The following MIOS variants were observed in gnomAD, a reference collection of about 807,000 sequenced individuals.
The protein encoded by MIOS is meiosis regulator for oocyte development.
In MIOS, 52 loss-of-function variants were observed where a neutral mutation model predicts 96.9. The observed-to-expected ratio is 0.54, with a 90% confidence interval of 0.43 to 0.68. MIOS has a LOEUF of 0.68. Ranked by LOEUF, MIOS falls within the 30% of genes least tolerant of loss-of-function variation. The pLI is 0.00. For missense variants in MIOS, 1,005 were observed against 1,052.8 expected, an observed-to-expected ratio of 0.95 and a Z score of 0.63; for synonymous variants, 397 against 359.5, an observed-to-expected ratio of 1.10 and a Z score of -1.18.
At position 7,573,563 on chromosome 7, in the gene MIOS, T is replaced by C. The variant is rs189971963; in HGVS notation, c.1088T>C (p.Ile363Thr). ...AGGATATCTCTTGCCTGGAGCCCAATTACATCTTTAATGTGGGCTTGTGGT... is the reference window on the plus strand; with the variant it reads ...AGGATATCTCTTGCCTGGAGCCCAACTACATCTTTAATGTGGGCTTGTGGT... ...FERISLAWSP[I>T]TSLMWACGRH... The change falls in exon 4 of 13, where the codon ATT (isoleucine) becomes ACT (threonine). Residue 363 changes from isoleucine to threonine, a missense_variant. Transcript: ENST00000340080. The surrounding 1 kb of genome is among the most constrained non-coding windows in gnomAD (Gnocchi z 5.0). 2.2e-5 allele frequency: 35 copies of C among 1,614,094 alleles called. No homozygotes were observed. In the East Asian group the frequency reaches 6.7e-4, roughly 31 times the overall value.
chr7:7,577,847 A>C (rs2115377382), intron 5 of MIOS, among the ~76,000 whole-genome samples: 1 of 152,196 alleles, frequency 6.6e-6, no homozygotes, highest in African/African-American at 2.4e-5. Flanking sequence ...ATATGGGAGG[A>C]TTACTGGGTA....
chr7:7,593,845 C>T (rs1784118079), intron 9 of MIOS, among the ~76,000 whole-genome samples: 3 of 143,506 alleles, frequency 2.1e-5, no homozygotes, highest in South Asian at 2.2e-4. Context: ...TGCCACTGCG[C>T]TCCAGCCTGG....
chr7:7,586,155 CGTGTGT>C (rs10527974), intron 7 of MIOS, among the ~76,000 whole-genome samples: 1,755 of 150,036 alleles, frequency 0.012, 32 homozygotes, highest in African/African-American at 0.04. Flanking sequence ...CACACATGCA[CGTGTGT>C]GTGTGTGTGT....
chr7:7,581,418 C>G (rs1783720918), intron 5 of MIOS, among the ~76,000 whole-genome samples: 1 of 152,180 alleles, frequency 6.6e-6, no homozygotes, highest in South Asian at 2.1e-4. Context: ...ACCAGAATGA[C>G]TGTAGCTAAA....
chr7:7,574,170 T>C lies in MIOS; in HGVS notation c.1367T>C (p.Ile456Thr). 1 of 1,609,752 alleles carries C rather than the reference T, an allele frequency of 6.2e-7. No homozygotes were observed. Among genetic ancestry groups the C allele is most frequent in the Admixed American group, 1.7e-5 (1 of 59,500 alleles). The change falls in exon 5 of 13, where the codon ATT becomes ACT. Residue 456 changes from isoleucine (I) to threonine (T), a missense_variant. Ile to Thr is a moderately conservative substitution (Grantham distance 89, BLOSUM62 -1). This residue lies in a region of MIOS where 865 missense variants were observed against 887.9 expected (regional missense o/e 0.97). Transcript: ENST00000340080. The part of the protein sequence containing the change: ...GNKGSLVYAG[I>T]KSIVKSSLGM... Reference sequence around the variant, plus strand: ...AAAGGATCATTGGTTTATGCAGGAATTAAATCAATTGTAAAGTCATCGTTG... The same window carrying C: ...AAAGGATCATTGGTTTATGCAGGAACTAAATCAATTGTAAAGTCATCGTTG...
In MIOS at chr7:7,572,121, C is replaced by A. The variant is rs1385369550; in HGVS notation, c.-40-315C>A. Among the ~76,000 whole-genome samples the A allele has an allele frequency of 1.3e-5, 2 of 152,198 alleles. No individual in the cohort carries two copies. On this transcript the variant is annotated intron_variant, in intron 3 of 12. Transcript: ENST00000340080. This position sits in a 1 kb window ranked among gnomAD's most constrained non-coding sequence, Gnocchi z 4.8. ...AATACTTATTAATTTGCTTACCACA[C>A]TGAAGTTGTTATAACTCTGAAGTTA... is the stretch of plus-strand genomic sequence containing the variant.
At chr7:7,581,574 G>A (rs953568099) in intron 5 of MIOS, among the ~76,000 whole-genome samples, 1 of 152,128 alleles carries the variant, frequency 6.6e-6, no homozygotes, top group African/African-American at 2.4e-5. Flanking sequence ...TATTTCTAGA[G>A]GTTGGAGTGC....
At chr7:7,576,619 G>A (rs1169417852) in intron 5 of MIOS, among the ~76,000 whole-genome samples, 1 of 152,114 alleles carries the variant, frequency 6.6e-6, no homozygotes, top group South Asian at 2.1e-4. Flanking sequence ...GTAAGCAGTG[G>A]GCTAACTCAA....
intron 11 of MIOS, among the ~76,000 whole-genome samples, chr7:7,597,667 T>C (rs377402363): frequency 5.6e-4 from 84 of 149,690 alleles, no homozygotes; most frequent in Non-Finnish European, 5.1e-4. Flanking sequence ...TATATACATA[T>C]ACACACACAC....
rs145325423 is a variant in MIOS at position 7,580,299 on chromosome 7, A to G, written c.1394-2819A>G. ...TAAAAATCCACTTTCATAAGCTAAA[A>G]GTGATTTTGTCTTTGGGCTGACTCC... On this transcript the variant is annotated intron_variant, in intron 5 of 12. Transcript: ENST00000340080. Among the ~76,000 whole-genome samples, 487 of 152,314 alleles carry G rather than the reference A, an allele frequency of 3.2e-3. 2 individuals are homozygous for G. Among genetic ancestry groups the G allele is most frequent in the African/African-American group, 0.011 (457 of 41,564 alleles).
intron 5 of MIOS, among the ~76,000 whole-genome samples, chr7:7,577,164 A>C (rs1391694980): frequency 6.6e-6 from 1 of 152,160 alleles, no homozygotes; most frequent in Non-Finnish European, 1.5e-5. Flanking sequence ...GATTGTCGAG[A>C]GATGTAGGAG....
chr7:7,590,401 T>C (rs1784014431), intron 9 of MIOS, among the ~76,000 whole-genome samples: 1 of 152,190 alleles, frequency 6.6e-6, no homozygotes, highest in Non-Finnish European at 1.5e-5. Context: ...TAAATTAAAG[T>C]GTATGTATAT....
At chr7:7,583,007 T>A in intron 5 of MIOS, 111 bp from the exon 6 acceptor site, 2 of 1,204,558 alleles carry the variant, frequency 1.7e-6, no homozygotes, top group Non-Finnish European at 2.3e-6. Context: ...CATAAAATTA[T>A]GGCCGAGAAG....
intron 9 of MIOS, among the ~76,000 whole-genome samples, chr7:7,591,393 C>G (rs1784045058): frequency 6.6e-6 from 1 of 151,170 alleles, no homozygotes; most frequent in South Asian, 2.1e-4. Context: ...AATCCTCCCA[C>G]CTCAGCCTCC....
In MIOS at chr7:7,569,541, G is replaced by A. The variant is rs549649572; in HGVS notation, c.-41+1418G>A. On this transcript the variant is annotated intron_variant, in intron 3 of 12. Transcript: ENST00000340080. ...TAGCAGTTGTGAGAAGTGTCAGAGG[G>A]ATCATTCAGCACATGCATTTATTTA... 9.2e-5 allele frequency among the ~76,000 whole-genome samples: 14 copies of A among 152,294 alleles called. 1 individual carries two copies. The South Asian group carries it at 2.9e-3, about 32-fold the overall frequency.
rs370055342 is a variant in MIOS, at chr7:7,587,505, C to T, written c.1819-993C>T. Among the ~76,000 whole-genome samples the T allele has an allele frequency of 5.9e-5, 9 of 152,090 alleles. No homozygotes were observed. In the South Asian group the frequency reaches 1.2e-3, roughly 21 times the overall value. ...TGTGAAAAGTACTGAATTGGGAAGT[C>T]GGAAAATACAGGCCTGACTCCTTGC... On this transcript the variant is annotated intron_variant, in intron 7 of 12. Coordinates refer to ENST00000340080, the MANE Select transcript of MIOS (RefSeq NM_019005.4).
At chr7:7,587,538 C>CATTT (rs1783927174) in intron 7 of MIOS, among the ~76,000 whole-genome samples, 2 of 152,152 alleles carry the variant, frequency 1.3e-5, no homozygotes, top group Non-Finnish European at 2.9e-5. Context: ...TGCTCTGCCC[C>CATTT]ATTTACCATA....
rs538008554 is a variant in MIOS, at chr7:7,572,294, A to G, written c.-40-142A>G. 17 of 461,538 alleles carry G rather than the reference A, an allele frequency of 3.7e-5. No homozygotes were observed. The South Asian group carries it at 1.0e-3, about 27-fold the overall frequency. The allele number at this position is 461,538 out of a possible 1,614,324, so 28.6% of individuals were successfully genotyped here. Reference sequence around the variant, plus strand: ...TCAATAAATATTTTCTTGAATTCATAGCAGATAGAGAGAAGAAATACAAAT... The same window carrying G: ...TCAATAAATATTTTCTTGAATTCATGGCAGATAGAGAGAAGAAATACAAAT... On this transcript the variant is annotated intron_variant, in intron 3 of 12. Coordinates refer to ENST00000340080, the MANE Select transcript of MIOS (RefSeq NM_019005.4). This position sits in a 1 kb window ranked among gnomAD's most constrained non-coding sequence, Gnocchi z 4.8.
intron 9 of MIOS, among the ~76,000 whole-genome samples, chr7:7,591,708 T>A (rs142528802): frequency 2.2e-4 from 34 of 152,340 alleles, no homozygotes; most frequent in African/African-American, 7.9e-4. Flanking sequence ...CCTTTGATTT[T>A]TCAGTAGTAT....
Sources: allele counts gnomAD v4.1 joint callset (sites outside exome capture counted in the v4.1 genomes callset), GRCh38; gene constraint gnomAD v4.1.1; regional missense constraint gnomAD v4.1.1; non-coding constraint Gnocchi (gnomAD v3.1); transcripts MANE v1.5; gene names NCBI Gene and HGNC (gene_info 2026-07-23, HGNC 2026-07-21).